The following FNDC3A variants were observed in gnomAD, a reference collection of about 807,000 sequenced individuals.
FNDC3A encodes fibronectin type-III domain-containing protein 3A.
In FNDC3A, 32 loss-of-function variants were observed where a neutral mutation model predicts 148.9. The ratio of observed to expected loss-of-function variants is 0.21; its 90% confidence interval spans 0.16 to 0.29. FNDC3A has a LOEUF of 0.29. Ranked by LOEUF, FNDC3A falls within the 10% of genes least tolerant of loss-of-function variation. The pLI is 1.00. For missense variants in FNDC3A, 1,191 were observed against 1,452.8 expected, an observed-to-expected ratio of 0.82 and a Z score of 2.93; for synonymous variants, 472 against 473.6, an observed-to-expected ratio of 1.00 and a Z score of 0.04.
At chr13:49,165,523 G>A (rs147703306) in intron 8 of FNDC3A, among the ~76,000 whole-genome samples, 188 of 152,280 alleles carry the variant, frequency 1.2e-3, no homozygotes, top group African/African-American at 4.2e-3. Context: ...GGATGGGGAT[G>A]TGAGGTGGGC....
chr13:49,124,762 G>T (rs1881586295), intron 4 of FNDC3A, among the ~76,000 whole-genome samples: 1 of 152,130 alleles, frequency 6.6e-6, no homozygotes, highest in African/African-American at 2.4e-5. Flanking sequence ...ACAAAACATA[G>T]AACTATAAAA....
intron 2 of FNDC3A, among the ~76,000 whole-genome samples, chr13:49,007,807 G>C (rs1952249012): frequency 6.6e-6 from 1 of 152,068 alleles, no homozygotes; most frequent in Admixed American, 6.6e-5. Flanking sequence ...GAGGTCTAGG[G>C]ACAGGTTTTT....
At chr13:49,012,356 G>C (rs1952367021) in intron 2 of FNDC3A, among the ~76,000 whole-genome samples, 1 of 151,990 alleles carries the variant, frequency 6.6e-6, no homozygotes, top group South Asian at 2.1e-4. Context: ...CTCGTGATCT[G>C]CCCGCCTCCA....
At chr13:49,079,279 A>T (rs191385251) in intron 3 of FNDC3A, among the ~76,000 whole-genome samples, 2 of 152,320 alleles carry the variant, frequency 1.3e-5, no homozygotes, top group East Asian at 3.9e-4. Flanking sequence ...TGGACATTCA[A>T]ACAAAATCTG....
At chr13:49,146,879 G>A (rs1883029084) in intron 8 of FNDC3A, 1 of 152,174 alleles carries the variant, frequency 6.6e-6, no homozygotes, top group South Asian at 2.1e-4. Context: ...ATAAAAAAGG[G>A]TAATGTTAAT....
intron 8 of FNDC3A, among the ~76,000 whole-genome samples, chr13:49,167,013 C>T (rs80237180): frequency 0.011 from 1,727 of 152,248 alleles, 36 homozygotes; most frequent in African/African-American, 0.039. Flanking sequence ...CTGGCTTACA[C>T]AGCTGATTTG....
intron 8 of FNDC3A, among the ~76,000 whole-genome samples, chr13:49,162,198 G>A (rs1255988189): frequency 1.3e-5 from 2 of 152,214 alleles, no homozygotes; most frequent in South Asian, 2.1e-4. Context: ...ATCCTGAAGA[G>A]TGTTTTCCAG....
chr13:49,069,494 C>G (rs984393681), intron 2 of FNDC3A, among the ~76,000 whole-genome samples: 20 of 152,188 alleles, frequency 1.3e-4, no homozygotes, highest in African/African-American at 4.6e-4. Context: ...AACTTAATGT[C>G]ATTTCCGATC....
At chr13:49,070,660 C>A (rs182729549) in intron 2 of FNDC3A, among the ~76,000 whole-genome samples, 3 of 152,244 alleles carry the variant, frequency 2.0e-5, no homozygotes, top group Admixed American at 6.5e-5. Context: ...CGTATTCTTT[C>A]TAACTGTAAT....
At position 49,138,875 on chromosome 13, in the gene FNDC3A, TGTA is replaced by T. The variant is rs1419532763; in HGVS notation, c.819+73_819+75del. ...AGCATAAGATGTTCATCCATCAAAA[TGTA>T]GTTTTTTTCTTTTAACTTTTTATGA... On this transcript the variant is annotated intron_variant, in intron 7 of 25. Coordinates refer to ENST00000492622, the MANE Select transcript of FNDC3A (RefSeq NM_001079673.2). The T allele has an allele frequency of 2.9e-5, 25 of 871,854 alleles. No individual in the cohort carries two copies. In the South Asian group the frequency reaches 4.0e-4, roughly 14 times the overall value. 54.0% of individuals were successfully genotyped at this position (871,854 alleles called of 1,614,324 possible).
chr13:49,053,788 G>A (rs1876029640), intron 2 of FNDC3A, among the ~76,000 whole-genome samples: 1 of 152,198 alleles, frequency 6.6e-6, no homozygotes, highest in South Asian at 2.1e-4. Flanking sequence ...CTTAGTAGGT[G>A]CTAGAGCACT....
At position 49,075,281 on chromosome 13, in the gene FNDC3A, T is replaced by C. The variant is rs111263636; in HGVS notation, c.100-8T>C. On this transcript the variant is annotated splice_region_variant and splice_polypyrimidine_tract_variant and intron_variant, in intron 2 of 25. Coordinates refer to ENST00000492622, the MANE Select transcript of FNDC3A (RefSeq NM_001079673.2). The stretch of plus-strand genomic sequence containing the variant: ...TTTTGATTAATACTTCTTCCCCTCA[T>C]TTTTAAGGTTATTCTGGTACAAGTT... The C allele has an allele frequency of 6.0e-3, 9,345 of 1,558,272 alleles. 35 individuals are homozygous for C. Among genetic ancestry groups the C allele is most frequent in the Non-Finnish European group, 7.2e-3 (8,211 of 1,134,874 alleles).
At position 49,198,347 on chromosome 13, in the gene FNDC3A, T is replaced by C. The variant is rs371525769; in HGVS notation, c.2775-15T>C. Reference sequence around the variant, plus strand: ...AACAATCATAACCAAACTTTTTTTCTTATGTGGCACTTAGAATACGAATTC... The same window carrying C: ...AACAATCATAACCAAACTTTTTTTCCTATGTGGCACTTAGAATACGAATTC... On this transcript the variant is annotated splice_polypyrimidine_tract_variant and intron_variant, in intron 22 of 25. Coordinates refer to ENST00000492622, the MANE Select transcript of FNDC3A (RefSeq NM_001079673.2). 2.2e-5 allele frequency: 36 copies of C among 1,613,288 alleles called. No individual in the cohort carries two copies. The African/African-American group carries it at 3.2e-4, about 14-fold the overall frequency.
intron 1 of FNDC3A, among the ~76,000 whole-genome samples, chr13:48,994,606 C>T (rs1198945453): frequency 1.3e-5 from 2 of 152,002 alleles, no homozygotes; most frequent in East Asian, 1.9e-4. Flanking sequence ...GGTGAAACCC[C>T]ATCTCTACTA....
intron 6 of FNDC3A, 86 bp from the exon 7 acceptor site, chr13:49,138,661 C>A: frequency 3.2e-6 from 2 of 621,720 alleles, no homozygotes; most frequent in Non-Finnish European, 5.5e-6. Context: ...AAATACCAAC[C>A]TAGTTTCAGA....
At chr13:49,032,502 T>C (rs997036316) in intron 2 of FNDC3A, among the ~76,000 whole-genome samples, 3 of 152,152 alleles carry the variant, frequency 2.0e-5, no homozygotes, top group African/African-American at 4.8e-5. Context: ...CTCAAAAACA[T>C]TATGCTAAGT....
At chr13:49,019,473 C>T (rs1195530011) in intron 2 of FNDC3A, among the ~76,000 whole-genome samples, 2 of 152,172 alleles carry the variant, frequency 1.3e-5, no homozygotes, top group Non-Finnish European at 2.9e-5. Flanking sequence ...ACGCAGGGTG[C>T]GCGCACCCAC....
intron 3 of FNDC3A, among the ~76,000 whole-genome samples, chr13:49,098,058 A>G (rs1409015102): frequency 6.6e-6 from 1 of 152,158 alleles, no homozygotes; most frequent in Non-Finnish European, 1.5e-5. Context: ...TCAGATGGCT[A>G]GTAGAACCTT....
intron 8 of FNDC3A, among the ~76,000 whole-genome samples, chr13:49,166,721 G>A (rs942036750): frequency 7.2e-5 from 11 of 152,132 alleles, no homozygotes; most frequent in African/African-American, 1.4e-4. Flanking sequence ...GATTGCAGCC[G>A]AGCAGGCTTA....
Sources: allele counts gnomAD v4.1 joint callset (sites outside exome capture counted in the v4.1 genomes callset), GRCh38; gene constraint gnomAD v4.1.1; transcripts MANE v1.5; gene names NCBI Gene and HGNC (gene_info 2026-07-23, HGNC 2026-07-21).